The following UBR2 variants were observed in gnomAD, a reference collection of about 807,000 sequenced individuals.
The protein encoded by UBR2 is ubiquitin protein ligase E3 component n-recognin 2, also known as E3 ubiquitin-protein ligase UBR2.
In UBR2, 92 loss-of-function variants were observed where a neutral mutation model predicts 247.9. The observed-to-expected ratio is 0.37, with a 90% CI of 0.31 to 0.44. The LOEUF is 0.44. UBR2 is among the 20% of genes least tolerant of loss of function. The pLI is 1.00. For missense variants in UBR2, 1,613 were observed against 2,112.6 expected, an observed-to-expected ratio of 0.76 and a Z score of 4.64; for synonymous variants, 672 against 693.5, an observed-to-expected ratio of 0.97 and a Z score of 0.49.
intron 8 of UBR2, among the ~76,000 whole-genome samples, chr6:42,614,326 GTGTATA>G (rs1794330401): frequency 7.6e-5 from 5 of 65,452 alleles, no homozygotes; most frequent in Admixed American, 3.5e-4. Context: ...ATGTATATAT[GTGTATA>G]TGTGTATGTG....
At position 42,644,495 on chromosome 6, in the gene UBR2, C is replaced by G. The variant is rs1192532281; in HGVS notation, c.2243C>G (p.Thr748Ser). The G allele has an allele frequency of 1.2e-6, 2 of 1,611,636 alleles. No individual in the cohort carries two copies. The highest frequency in any genetic ancestry group is 1.7e-5 in the Admixed American group (1 of 59,936). The change falls in exon 20 of 47, where the codon ACT becomes AGT. Residue 748 changes from threonine to serine, a missense_variant. Thr to Ser is a moderately conservative substitution (Grantham distance 58). Coordinates refer to ENST00000372901, the MANE Select transcript of UBR2 (RefSeq NM_001363705.2). ...TAGGATGTTGTTCAGCAGAACAATA[C>G]TCTAATAGAAGAAATGCTATACCTC... ...THKDVVQQNNTLIEEMLYLII... is the reference protein window; with the variant it reads ...THKDVVQQNNSLIEEMLYLII...
chr6:42,660,928 C>T (rs557101332), intron 30 of UBR2, among the ~76,000 whole-genome samples: 4 of 151,736 alleles, frequency 2.6e-5, no homozygotes, highest in Admixed American at 2.6e-4. Flanking sequence ...GATTGCACCA[C>T]TGCCCTCCAG....
intron 16 of UBR2, 36 bp downstream of exon 16, chr6:42,640,306 T>G (rs1796346106): frequency 3.2e-6 from 5 of 1,542,802 alleles, no homozygotes; most frequent in Non-Finnish European, 4.4e-6. Flanking sequence ...GAATACTTAT[T>G]TATTATGTTC....
chr6:42,618,365 C>G (rs923362355), intron 11 of UBR2, among the ~76,000 whole-genome samples: 1 of 152,184 alleles, frequency 6.6e-6, no homozygotes, highest in Non-Finnish European at 1.5e-5. Context: ...AACCAGGACA[C>G]TTGAAGATCC....
At chr6:42,663,545 C>T in intron 32 of UBR2, 126 bp downstream of exon 32, 1 of 994,794 alleles carries the variant, frequency 1.0e-6, no homozygotes, top group Non-Finnish European at 1.4e-6. Context: ...TTTCCAAACT[C>T]TAATCATTTT....
chr6:42,620,494 G>GTTTTTTTTTTTTTTTTTTTT lies in UBR2; in HGVS notation c.1281+2992_1281+2993insTTTTTTTTTTTTTTTTTTTT, dbSNP rs1282900841. On this transcript the variant is annotated intron_variant, in intron 11 of 46. Transcript: ENST00000372901. ...ATATTAAGTGTTGTTTTTTTTTTTTGTTTTTGTTTTTGTTTTTTTTTAAGA... is the reference window on the plus strand; with the variant it reads ...ATATTAAGTGTTGTTTTTTTTTTTTGTTTTTTTTTTTTTTTTTTTTTTTTTGTTTTTGTTTTTTTTTAAGA... The GTTTTTTTTTTTTTTTTTTTT allele has an allele frequency of 2.1e-5, 2 of 97,022 alleles. 1 individual carries two copies. The allele number at this position is 97,022 out of a possible 1,614,324, so 6.0% of individuals were successfully genotyped here. A position where few individuals can be genotyped will look rare whatever the true frequency, so the allele number is the denominator to read the frequency against.
At position 42,673,776 on chromosome 6, in the gene UBR2, G is replaced by A. The variant is rs768479821; in HGVS notation, c.4087-15G>A. 37 of 1,601,902 alleles carry A rather than the reference G, an allele frequency of 2.3e-5. No homozygotes were observed. The highest frequency in any genetic ancestry group is 1.0e-4 in the South Asian group (9 of 89,764). On this transcript the variant is annotated splice_polypyrimidine_tract_variant and intron_variant, in intron 36 of 46. Coordinates refer to ENST00000372901, the MANE Select transcript of UBR2 (RefSeq NM_001363705.2). The stretch of plus-strand genomic sequence containing the variant: ...TGCATTTTTGTTTTTTGTTAATTGC[G>A]TTGGTTTATTTTAGGATGACTGTCT...
chr6:42,671,711 T>G (rs953498208), intron 36 of UBR2, among the ~76,000 whole-genome samples: 2 of 152,322 alleles, frequency 1.3e-5, no homozygotes, highest in African/African-American at 2.4e-5. Context: ...CTCTTGGCTT[T>G]CTTTCTGCCT....
chr6:42,573,048 G>T (rs1307685452), intron 1 of UBR2, among the ~76,000 whole-genome samples: 1 of 152,118 alleles, frequency 6.6e-6, no homozygotes, highest in Non-Finnish European at 1.5e-5. Context: ...TTTTGGTGGA[G>T]CATGGAGGGG....
At chr6:42,587,980 T>C (rs1792404132) in intron 2 of UBR2, among the ~76,000 whole-genome samples, 1 of 152,158 alleles carries the variant, frequency 6.6e-6, no homozygotes, top group South Asian at 2.1e-4. Context: ...TTTCTCCAAC[T>C]CTGAATATTG....
intron 35 of UBR2, 119 bp downstream of exon 35, chr6:42,670,359 A>G (rs900799665): frequency 8.5e-6 from 11 of 1,289,700 alleles, no homozygotes; most frequent in Non-Finnish European, 1.2e-5. Context: ...GAAATAATAA[A>G]AAGACTTAGA....
chr6:42,659,916 G>T lies in UBR2; in HGVS notation c.3442+61G>T. On this transcript the variant is annotated intron_variant, in intron 30 of 46. Coordinates refer to ENST00000372901, the MANE Select transcript of UBR2 (RefSeq NM_001363705.2). The surrounding 1 kb of genome is among the most constrained non-coding windows in gnomAD (Gnocchi z 4.3). ...TAACAACTGCCAGTTAATGTGGTTG[G>T]TGATACGTTGAGATTTTTTAAACCT... 14 of 1,519,536 alleles carry T rather than the reference G, an allele frequency of 9.2e-6. 1 individual carries two copies. The Middle Eastern group carries it at 8.1e-4, about 88-fold the overall frequency. 94.1% of individuals were successfully genotyped at this position (1,519,536 alleles called of 1,614,324 possible). A position where few individuals can be genotyped will look rare whatever the true frequency, so the allele number is the denominator to read the frequency against.
chr6:42,574,143 TAAAGC>T, intron 2 of UBR2, 150 bp downstream of exon 2: 4 of 829,712 alleles, frequency 4.8e-6, no homozygotes, highest in Non-Finnish European at 6.7e-6. Flanking sequence ...AATAAATAAT[TAAAGC>T]AAACATTTTT....
intron 2 of UBR2, among the ~76,000 whole-genome samples, chr6:42,589,078 T>A (rs1214441787): frequency 6.6e-6 from 1 of 152,118 alleles, no homozygotes; most frequent in African/African-American, 2.4e-5. Flanking sequence ...ACACCTGGAC[T>A]TGGGATCCTC....
intron 34 of UBR2, among the ~76,000 whole-genome samples, chr6:42,669,059 G>A (rs1484455790): frequency 3.3e-5 from 5 of 152,020 alleles, no homozygotes; most frequent in Non-Finnish European, 7.4e-5. Context: ...AAGTAGCTGG[G>A]ACTACAGGCA....
chr6:42,673,423 G>A (rs1798553994), intron 36 of UBR2, among the ~76,000 whole-genome samples: 1 of 152,172 alleles, frequency 6.6e-6, no homozygotes, highest in South Asian at 2.1e-4. Context: ...CAGGGTTCAA[G>A]TGATTCTCCT....
At chr6:42,607,271 A>C (rs1343764472) in intron 7 of UBR2, among the ~76,000 whole-genome samples, 2 of 151,412 alleles carry the variant, frequency 1.3e-5, no homozygotes, top group African/African-American at 4.9e-5. Context: ...CCTGGGTTCA[A>C]GTGATTCAGC....
chr6:42,659,169 G>C lies in UBR2; in HGVS notation c.3242+345G>C, dbSNP rs554833238. ...TGGTTTTGATACATACCAAAGACTT[G>C]ACAATCCAAGTTATCAAAACCATGT... On this transcript the variant is annotated intron_variant, in intron 29 of 46. Coordinates refer to ENST00000372901, the MANE Select transcript of UBR2 (RefSeq NM_001363705.2). This position sits in a 1 kb window ranked among gnomAD's most constrained non-coding sequence, Gnocchi z 4.3. Among the ~76,000 whole-genome samples, 3 of 152,240 alleles carry C rather than the reference G, an allele frequency of 2.0e-5. No individual in the cohort carries two copies. Among genetic ancestry groups the C allele is most frequent in the Non-Finnish European group, 4.4e-5 (3 of 68,022 alleles).
At chr6:42,612,825 G>A (rs1039074548) in intron 8 of UBR2, among the ~76,000 whole-genome samples, 1 of 152,154 alleles carries the variant, frequency 6.6e-6, no homozygotes, top group African/African-American at 2.4e-5. Flanking sequence ...TTTTGGCCAG[G>A]TGCCATGGCT....
Sources: gnomAD v4.1 joint callset for allele counts (sites outside exome capture counted in the v4.1 genomes callset) on GRCh38, gnomAD v4.1.1 for gene constraint, Gnocchi (gnomAD v3.1) non-coding constraint, MANE v1.5 for transcripts, NCBI Gene and HGNC (gene_info 2026-07-23, HGNC 2026-07-21) for gene names.